The following AKT3 variants were observed in gnomAD, a reference collection of about 807,000 sequenced individuals.
AKT3 encodes AKT serine/threonine kinase 3.
In AKT3, 15 loss-of-function variants were observed where a neutral mutation model predicts 65.3. That is an observed-to-expected ratio of 0.23 (90% CI 0.15 to 0.35). AKT3 has a LOEUF of 0.35. Among genes scored for constraint, AKT3 ranks in the 10% least tolerant of loss-of-function variants. The probability of loss-of-function intolerance (pLI) is 1.00; values close to 1 mark genes in which losing one functional copy is unlikely to be tolerated. For synonymous variants in AKT3, 206 were observed against 183.8 expected (o/e 1.12, Z -0.98); for missense variants, 243 against 576.5 (o/e 0.42, Z 5.92).
rs540642563 is a variant in AKT3, at chr1:243,503,279, A to G, written c.*1970T>C. ...ATGCCCTTTAACCCCCGTCAGTCCC[A>G]GTGGCCCACCCACTGCCAGCAGTGG... On this transcript the variant is annotated 3_prime_UTR_variant, in exon 14 of 14. Transcript: ENST00000673466. The G allele has an allele frequency of 3.4e-5, 8 of 233,718 alleles. No individual in the cohort carries two copies. Among genetic ancestry groups the G allele is most frequent in the African/African-American group, 1.8e-4 (8 of 45,466 alleles). The allele number at this position is 233,718 out of a possible 1,614,324, so 14.5% of individuals were successfully genotyped here.
At chr1:243,493,783 C>T (rs1446591897) in intron 13 of AKT3, among the ~76,000 whole-genome samples, 1 of 151,780 alleles carries the variant, frequency 6.6e-6, no homozygotes, top group African/African-American at 2.4e-5. Flanking sequence ...GACATTATCT[C>T]ATTATACCAA....
chr1:243,602,334 A>G (rs1183324418), intron 8 of AKT3, among the ~76,000 whole-genome samples: 1 of 152,218 alleles, frequency 6.6e-6, no homozygotes, highest in African/African-American at 2.4e-5. Context: ...CATTGGGTGA[A>G]AAACAAAATT....
intron 2 of AKT3, among the ~76,000 whole-genome samples, chr1:243,759,638 G>A (rs1689366063): frequency 6.6e-6 from 1 of 152,062 alleles, no homozygotes; most frequent in Admixed American, 6.6e-5. Flanking sequence ...AAAGCAATCT[G>A]AAGGTCACAT....
chr1:243,777,155 C>T (rs55661356), intron 2 of AKT3, among the ~76,000 whole-genome samples: 3 of 150,618 alleles, frequency 2.0e-5, no homozygotes, highest in African/African-American at 2.4e-5. Flanking sequence ...TGGGGGGAGA[C>T]GGGGGCGGTG....
intron 9 of AKT3, 68 bp downstream of exon 9, chr1:243,572,857 TA>T: frequency 7.0e-7 from 1 of 1,427,666 alleles, no homozygotes; most frequent in Non-Finnish European, 9.4e-7. Context: ...TATAACTTTG[TA>T]ATTACTTTAT....
chr1:243,646,140 G>T, intron 4 of AKT3, 103 bp from the exon 5 acceptor site: 1 of 983,010 alleles, frequency 1.0e-6, no homozygotes, highest in Non-Finnish European at 1.5e-6. Context: ...TCTATTCAGA[G>T]ATCAAACACA....
At chr1:243,849,865 G>A (rs958910834) in intron 1 of AKT3, among the ~76,000 whole-genome samples, 175 bp downstream of exon 1, 77 of 151,684 alleles carry the variant, frequency 5.1e-4, no homozygotes, top group African/African-American at 1.8e-3. Flanking sequence ...AGCCTCCGGT[G>A]ACCCAGCCCC....
intron 8 of AKT3, among the ~76,000 whole-genome samples, chr1:243,586,871 A>C (rs1277239913): frequency 6.6e-6 from 1 of 152,178 alleles, no homozygotes; most frequent in Non-Finnish European, 1.5e-5. Context: ...TCTTGAATTT[A>C]AAATAAAAGT....
At chr1:243,776,779 A>C (rs1281422552) in intron 2 of AKT3, among the ~76,000 whole-genome samples, 2 of 152,194 alleles carry the variant, frequency 1.3e-5, no homozygotes, top group East Asian at 3.8e-4. Flanking sequence ...TGTTCCGCTG[A>C]TGTCTCTGAT....
chr1:243,774,856 T>C (rs12080261), intron 2 of AKT3, among the ~76,000 whole-genome samples: 4,107 of 152,200 alleles, frequency 0.027, 179 homozygotes, highest in African/African-American at 0.093. Context: ...AAATTTCACA[T>C]TGTATTCCAA....
rs918058245 is a variant in AKT3 at position 243,614,248 on chromosome 1, C to T, written c.628-509G>A. 2.0e-5 allele frequency among the ~76,000 whole-genome samples: 3 copies of T among 151,944 alleles called. No individual in the cohort carries two copies. The East Asian group carries it at 5.8e-4, about 29-fold the overall frequency. ...TTATATATAGGTTATTAAAAAATAC[C>T]CAAATGCTATCTTATTACACTAGAC... is the stretch of plus-strand genomic sequence containing the variant. On this transcript the variant is annotated intron_variant, in intron 7 of 13. Coordinates refer to ENST00000673466, the MANE Select transcript of AKT3 (RefSeq NM_005465.7).
intron 2 of AKT3, among the ~76,000 whole-genome samples, chr1:243,704,433 T>A (rs567174612): frequency 1.3e-5 from 2 of 152,076 alleles, no homozygotes; most frequent in African/African-American, 2.4e-5. Flanking sequence ...AGGGGATGAG[T>A]TGACTAATTA....
intron 12 of AKT3, among the ~76,000 whole-genome samples, chr1:243,520,368 T>C (rs1373099703): frequency 7.2e-5 from 11 of 152,202 alleles, no homozygotes; most frequent in Non-Finnish European, 1.5e-5. Context: ...GCCAGAAATA[T>C]GAGAAAATGA....
chr1:243,791,775 ACAAACTGTGCTCCTG>A, intron 2 of AKT3, among the ~76,000 whole-genome samples: 1 of 152,338 alleles, frequency 6.6e-6, no homozygotes, highest in East Asian at 1.9e-4. Flanking sequence ...GGCATAAAGA[ACAAACTGTGCTCCTG>A]CAAGCTTCAT....
In AKT3 at chr1:243,832,277, C is replaced by T. The variant is rs544985371; in HGVS notation, c.46+10848G>A. On this transcript the variant is annotated intron_variant, in intron 2 of 13. Transcript: ENST00000673466. ...CTCGGTTTAAACTATTAGTTTCATA[C>T]ACCTCATAACTTGTAGTACTCATAA... is the stretch of plus-strand genomic sequence containing the variant. Among the ~76,000 whole-genome samples the T allele has an allele frequency of 2.1e-4, 32 of 151,526 alleles. 1 individual carries two copies. Among genetic ancestry groups the T allele is most frequent in the African/African-American group, 7.0e-4 (29 of 41,344 alleles).
chr1:243,796,859 C>T (rs1393912233), intron 2 of AKT3, among the ~76,000 whole-genome samples: 2 of 152,082 alleles, frequency 1.3e-5, no homozygotes, highest in African/African-American at 4.8e-5. Flanking sequence ...AAACACTACG[C>T]TAAGTGAAAT....
At position 243,505,195 on chromosome 1, in the gene AKT3, A is replaced by T. The variant is rs1669587502; in HGVS notation, c.*54T>A. On this transcript the variant is annotated 3_prime_UTR_variant, in exon 14 of 14. Transcript: ENST00000673466. ...GAGCTAGGACTGGTGATGTCCAGGAATCATTTTCAGTAATAAATTGAAGAT... is the reference window on the plus strand; with the variant it reads ...GAGCTAGGACTGGTGATGTCCAGGATTCATTTTCAGTAATAAATTGAAGAT... 1 of 1,514,658 alleles carries T rather than the reference A, an allele frequency of 6.6e-7. No homozygotes were observed. Among genetic ancestry groups the T allele is most frequent in the South Asian group, 1.1e-5 (1 of 87,780 alleles). 93.8% of individuals were successfully genotyped at this position (1,514,658 alleles called of 1,614,324 possible). A position where few individuals can be genotyped will look rare whatever the true frequency, so the allele number is the denominator to read the frequency against.
chr1:243,590,365 A>G (rs1676139740), intron 8 of AKT3, among the ~76,000 whole-genome samples: 2 of 152,208 alleles, frequency 1.3e-5, no homozygotes, highest in Non-Finnish European at 2.9e-5. Flanking sequence ...AATTTATACA[A>G]TTTTATTTGT....
chr1:243,560,698 T>G (rs1006442878), intron 10 of AKT3, among the ~76,000 whole-genome samples: 3 of 152,168 alleles, frequency 2.0e-5, no homozygotes, highest in African/African-American at 7.2e-5. Context: ...ACTGATAATT[T>G]TGTGGCAACT....
Sources: gnomAD v4.1 joint callset for allele counts (sites outside exome capture counted in the v4.1 genomes callset) on GRCh38, gnomAD v4.1.1 for gene constraint, MANE v1.5 for transcripts, NCBI Gene and HGNC (gene_info 2026-07-23, HGNC 2026-07-21) for gene names.